LRRC17: variants seen among roughly 807,000 people sequenced by gnomAD.
The protein encoded by LRRC17 is leucine-rich repeat-containing protein 17.
In LRRC17, 33 loss-of-function variants were observed where a neutral mutation model predicts 41.5. The ratio of observed to expected loss-of-function variants is 0.80; its 90% CI spans 0.60 to 1.06. The LOEUF (loss-of-function observed/expected upper bound fraction) is 1.06. LRRC17 is among the 50% of genes least tolerant of loss of function. The pLI is 0.00. For missense variants in LRRC17, 491 were observed against 519.3 expected (o/e 0.95, Z 0.53); for synonymous variants, 192 against 197.0 (o/e 0.97, Z 0.21).
chr7:102,944,604 A>G lies in LRRC17; in HGVS notation c.1323A>G (p.Gly441=). 6.3e-7 allele frequency: 1 copy of G among 1,592,816 alleles called. No homozygotes were observed. Among genetic ancestry groups the G allele is most frequent in the Non-Finnish European group, 8.5e-7 (1 of 1,172,790 alleles). The change falls in exon 4 of 4, where the codon GGA becomes GGG. Residue 441 remains glycine, a synonymous_variant. Coordinates refer to ENST00000339431, the MANE Select transcript of LRRC17 (RefSeq NM_001031692.3). ...AAAGCGTAATAATTACTATAGTAGGATAAGGTAGAAATTGTTCTGATTGTA... is the reference window on the plus strand; with the variant it reads ...AAAGCGTAATAATTACTATAGTAGGGTAAGGTAGAAATTGTTCTGATTGTA... ...KKQSVIITIV[G] is the part of the protein sequence containing the mutation.
At position 102,934,282 on chromosome 7, in the gene LRRC17, G is replaced by A. The variant is rs1439600948; in HGVS notation, c.369G>A (p.Glu123=). ...ATGAGATCTCTAAAATTGAGAGTGA[G>A]GCGTTCTTTGGTTTAAACAAACTCA... is the stretch of plus-strand genomic sequence containing the variant. The part of the protein sequence containing the change: ...QQNEISKIES[E]AFFGLNKLTT... Residue 123 remains glutamate (E), a synonymous_variant, in exon 2 of 4, where the codon GAG becomes GAA. Transcript: ENST00000339431. The A allele has an allele frequency of 6.2e-7, 1 of 1,614,004 alleles. No individual in the cohort carries two copies. The highest frequency in any genetic ancestry group is 1.7e-5 in the Admixed American group (1 of 59,984).
chr7:102,938,580 A>C (rs972224039), intron 2 of LRRC17, among the ~76,000 whole-genome samples: 2 of 152,208 alleles, frequency 1.3e-5, no homozygotes, highest in East Asian at 3.8e-4. Context: ...TTTACCAAGA[A>C]TTTGGGGTAG....
At chr7:102,925,261 G>A (rs1257214364) in intron 1 of LRRC17, among the ~76,000 whole-genome samples, 1 of 152,052 alleles carries the variant, frequency 6.6e-6, no homozygotes, top group African/African-American at 2.4e-5. Flanking sequence ...TGGGCATGGT[G>A]GCATGCTCCT....
intron 1 of LRRC17, among the ~76,000 whole-genome samples, chr7:102,929,327 G>T (rs1818706275): frequency 6.6e-6 from 1 of 152,160 alleles, no homozygotes; most frequent in South Asian, 2.1e-4. Context: ...AAGTATCTGT[G>T]TTGAAGTACT....
At chr7:102,929,790 G>T (rs1818847955) in intron 1 of LRRC17, among the ~76,000 whole-genome samples, 1 of 152,034 alleles carries the variant, frequency 6.6e-6, no homozygotes, top group Admixed American at 6.6e-5. Context: ...TTCTGTTAGG[G>T]GTGAGGGAAA....
rs1049382547 is a variant in LRRC17 at position 102,945,085 on chromosome 7, C to T, written c.*478C>T. Reference sequence around the variant, plus strand: ...TCATCTTATACATTAAATAAATTTCCATTTCTGATTTCTGTGCATTCCAAA... The same window carrying T: ...TCATCTTATACATTAAATAAATTTCTATTTCTGATTTCTGTGCATTCCAAA... On this transcript the variant is annotated 3_prime_UTR_variant, in exon 4 of 4. Coordinates refer to ENST00000339431, the MANE Select transcript of LRRC17 (RefSeq NM_001031692.3). 6.6e-6 allele frequency: 1 copy of T among 152,584 alleles called. No individual in the cohort carries two copies. The highest frequency in any genetic ancestry group is 6.5e-5 in the Admixed American group (1 of 15,274). The allele number at this position is 152,584 out of a possible 1,614,324, so 9.5% of individuals were successfully genotyped here. A position where few individuals can be genotyped will look rare whatever the true frequency, so the allele number is the denominator to read the frequency against.
rs760443562 is a variant in LRRC17, at chr7:102,913,099, G to C, written c.-187G>C. The C allele has an allele frequency of 1.2e-6, 2 of 1,614,200 alleles. No individual in the cohort carries two copies. The highest frequency in any genetic ancestry group is 1.7e-6 in the Non-Finnish European group (2 of 1,180,012). On this transcript the variant is annotated 5_prime_UTR_variant, in exon 1 of 4. Transcript: ENST00000339431. ...TGAAAGACAAACCTGGGTGCAGCCA[G>C]AGAGGTCCAGATAGATGAGCTTGTG...
At chr7:102,937,706 T>G (rs1014390454) in intron 2 of LRRC17, among the ~76,000 whole-genome samples, 1 of 152,190 alleles carries the variant, frequency 6.6e-6, no homozygotes, top group Non-Finnish European at 1.5e-5. Context: ...CACAGAGCCA[T>G]GTGCTTTAGA....
At chr7:102,930,818 A>G (rs577215850) in intron 1 of LRRC17, among the ~76,000 whole-genome samples, 9 of 152,222 alleles carry the variant, frequency 5.9e-5, no homozygotes, top group Non-Finnish European at 7.3e-5. Flanking sequence ...ATAGATGTCA[A>G]CCCAAGATGG....
intron 1 of LRRC17, among the ~76,000 whole-genome samples, chr7:102,927,649 T>C (rs1818377130): frequency 6.6e-6 from 1 of 152,176 alleles, no homozygotes; most frequent in African/African-American, 2.4e-5. Flanking sequence ...GTGATTCTGC[T>C]ATAGGGAAGG....
chr7:102,932,506 A>G (rs1819377743), intron 1 of LRRC17, among the ~76,000 whole-genome samples: 1 of 2,868 alleles, frequency 3.5e-4, no homozygotes, highest in African/African-American at 5.7e-4. Flanking sequence ...CAAATACTTC[A>G]ACATGTATAT....
intron 1 of LRRC17, among the ~76,000 whole-genome samples, chr7:102,929,762 A>T (rs1259998934): frequency 6.6e-6 from 1 of 151,680 alleles, no homozygotes; most frequent in Non-Finnish European, 1.5e-5. Context: ...ATGAAGGGTG[A>T]CTGTTGATGG....
At position 102,941,864 on chromosome 7, in the gene LRRC17, G is replaced by A. The variant is rs147326125; in HGVS notation, c.928+2279G>A. Reference sequence around the variant, plus strand: ...CAAAACTAGTATACAAAGAAAACTTGAGAAAAATGAGAAGACAATGCAAAG... The same window carrying A: ...CAAAACTAGTATACAAAGAAAACTTAAGAAAAATGAGAAGACAATGCAAAG... On this transcript the variant is annotated intron_variant, in intron 3 of 3. Coordinates refer to ENST00000339431, the MANE Select transcript of LRRC17 (RefSeq NM_001031692.3). 3.7e-3 allele frequency among the ~76,000 whole-genome samples: 567 copies of A among 152,232 alleles called. 4 individuals carry two copies. Among genetic ancestry groups the A allele is most frequent in the African/African-American group, 0.013 (560 of 41,534 alleles).
chr7:102,928,045 G>A (rs1348381441), intron 1 of LRRC17, among the ~76,000 whole-genome samples: 1 of 152,232 alleles, frequency 6.6e-6, no homozygotes, highest in East Asian at 1.9e-4. Flanking sequence ...GGAAGAGGAA[G>A]GTGGAGTAGC....
intron 1 of LRRC17, among the ~76,000 whole-genome samples, chr7:102,929,663 C>CAAAA (rs35025022): frequency 3.3e-5 from 3 of 91,418 alleles, no homozygotes; most frequent in Admixed American, 1.4e-4. Flanking sequence ...GACTCCATCT[C>CAAAA]AAAAAAAAAA....
rs775567272 is a variant in LRRC17 at position 102,933,922 on chromosome 7, G to A, written c.9G>A (p.Val3=). The A allele has an allele frequency of 2.5e-6, 4 of 1,603,824 alleles. No individual in the cohort carries two copies. Among genetic ancestry groups the A allele is most frequent in the East Asian group, 2.2e-5 (1 of 44,564 alleles). The change falls in exon 2 of 4, where the codon GTG becomes GTA. Residue 3 remains valine, a synonymous_variant. Transcript: ENST00000339431. MR[V]VTIVILLCFC... ...GCCAGCTGGATGTCAGGATGCGTGT[G>A]GTTACCATTGTAATCTTGCTCTGCT...
At chr7:102,913,519 G>C (rs1161064015) in intron 1 of LRRC17, among the ~76,000 whole-genome samples, 5 of 152,172 alleles carry the variant, frequency 3.3e-5, no homozygotes, top group Admixed American at 1.3e-4. Flanking sequence ...TGTGTGAGGT[G>C]GGGGAGGCAA....
intron 1 of LRRC17, among the ~76,000 whole-genome samples, chr7:102,923,551 G>A (rs565850476): frequency 1.6e-4 from 25 of 152,128 alleles, no homozygotes; most frequent in African/African-American, 5.1e-4. Context: ...GGCCGGGCGC[G>A]GTGGCTCACG....
intron 1 of LRRC17, among the ~76,000 whole-genome samples, chr7:102,923,573 A>G (rs1817506397): frequency 1.3e-5 from 2 of 152,206 alleles, no homozygotes; most frequent in African/African-American, 4.8e-5. Context: ...TTGTAATCCC[A>G]GCACTTTGGG....
Sources: allele counts gnomAD v4.1 joint callset (sites outside exome capture counted in the v4.1 genomes callset), GRCh38; gene constraint gnomAD v4.1.1; transcripts MANE v1.5; gene names NCBI Gene and HGNC (gene_info 2026-07-23, HGNC 2026-07-21).